The following SRSF4 variants were observed in gnomAD, a reference collection of about 807,000 sequenced individuals.
SRSF4 encodes serine/arginine-rich splicing factor 4.
SRSF4 carries 12 observed loss-of-function variants against 48.8 expected under a neutral mutation model. The observed-to-expected ratio is 0.25, with a 90% confidence interval of 0.16 to 0.40. The LOEUF is 0.40. Among genes scored for constraint, SRSF4 ranks in the 10% least tolerant of loss-of-function variants. SRSF4 has a pLI of 1.00. For missense variants in SRSF4, 466 were observed against 667.1 expected, an observed-to-expected ratio of 0.70 and a Z score of 3.32; for synonymous variants, 248 against 232.5, an observed-to-expected ratio of 1.07 and a Z score of -0.61.
chr1:29,163,877 T>C (rs1214641930), intron 1 of SRSF4, among the ~76,000 whole-genome samples: 1 of 152,224 alleles, frequency 6.6e-6, no homozygotes, highest in Non-Finnish European at 1.5e-5. Context: ...TTGGTTCTGC[T>C]ACAAACTTTG....
intron 1 of SRSF4, among the ~76,000 whole-genome samples, chr1:29,176,274 C>CAAA (rs554961897): frequency 6.6e-6 from 1 of 151,486 alleles, no homozygotes; most frequent in Admixed American, 6.6e-5. Context: ...AAACAAAAAA[C>CAAA]AAAAAAACAA....
chr1:29,172,588 G>T (rs1338648123), intron 1 of SRSF4: 3 of 152,202 alleles, frequency 2.0e-5, no homozygotes, highest in Non-Finnish European at 4.4e-5. Context: ...CACCACGCCT[G>T]GCCAGCAAAC....
intron 1 of SRSF4, among the ~76,000 whole-genome samples, chr1:29,162,224 T>G (rs1012788440): frequency 6.6e-6 from 1 of 152,188 alleles, no homozygotes; most frequent in Non-Finnish European, 1.5e-5. Flanking sequence ...CACGCTTCCA[T>G]AGGCTAGAAT....
intron 3 of SRSF4, 98 bp from the exon 4 acceptor site, chr1:29,155,008 T>C: frequency 9.2e-7 from 1 of 1,092,662 alleles, no homozygotes. Context: ...AATGCCAGCA[T>C]TCCGCAGAAT....
At position 29,154,745 on chromosome 1, in the gene SRSF4, G is replaced by T. The variant is rs766090268; in HGVS notation, c.529C>A (p.Pro177Thr). 8.7e-6 allele frequency: 14 copies of T among 1,614,176 alleles called. No individual in the cohort carries two copies. The highest frequency in any genetic ancestry group is 1.1e-5 in the Non-Finnish European group (13 of 1,180,038). Reference sequence around the variant, plus strand: ...TAGGACCGGCGTCGTCTGGAACCTGGCTTGTCTTCAACTAATCTGATTTTT... The same window carrying T: ...TAGGACCGGCGTCGTCTGGAACCTGTCTTGTCTTCAACTAATCTGATTTTT... ...GRKIRLVEDK[P>T]GSRRRRSYSR... The change falls in exon 4 of 6, where the codon CCA becomes ACA. Residue 177 changes from proline (P) to threonine (T), a missense_variant. By Grantham distance (38) the Pro-to-Thr change is conservative (BLOSUM62 -1). Around this residue, in one of 2 missense-constraint regions of SRSF4, gnomAD observed 402 missense variants for 437.0 expected, o/e 0.92. Transcript: ENST00000373795.
In SRSF4 at chr1:29,148,570, G is replaced by C. The variant is rs138854121; in HGVS notation, c.1325C>G (p.Ser442Cys). 1.5e-5 allele frequency: 24 copies of C among 1,613,974 alleles called. No homozygotes were observed. The highest frequency in any genetic ancestry group is 1.9e-5 in the Non-Finnish European group (22 of 1,180,018). Residue 442 changes from serine to cysteine, a missense_variant, in exon 6 of 6, where the codon TCC (serine) becomes TGC (cysteine). Around this residue, in one of 2 missense-constraint regions of SRSF4, gnomAD observed 402 missense variants for 437.0 expected, o/e 0.92. Transcript: ENST00000373795. ...ENAGTNQETR[S>C]RSRSNSKSKP... ...CGATTTGGAATTGGATCTCGACCTG[G>C]ACCGGGTCTCCTGATTGGTGCCAGC...
rs57242686 is a variant in SRSF4 at position 29,168,191 on chromosome 1, A to ATT, written c.108-7676_108-7675dup. On this transcript the variant is annotated intron_variant, in intron 1 of 5. Transcript: ENST00000373795. ...CACCATGCCCGGCAAATTTTTTGTA[A>ATT]TTTTTTTTTTTTTTTTTTTAGGAGA... Among the ~76,000 whole-genome samples the ATT allele has an allele frequency of 4.6e-3, 615 of 134,944 alleles. 4 individuals are homozygous for ATT. Among genetic ancestry groups the ATT allele is most frequent in the Middle Eastern group, 7.8e-3 (2 of 256 alleles). 88.5% of individuals were successfully genotyped at this position (134,944 alleles called of 152,430 possible).
chr1:29,159,522 G>C, intron 2 of SRSF4, 36 bp from the exon 3 acceptor site: 1 of 1,495,858 alleles, frequency 6.7e-7, no homozygotes, highest in Non-Finnish European at 9.3e-7. Context: ...TTATTTCAGT[G>C]GAAGAAAAGG....
chr1:29,169,144 T>C (rs1672709710), intron 1 of SRSF4: 1 of 152,244 alleles, frequency 6.6e-6, no homozygotes, highest in South Asian at 2.1e-4. Context: ...TTACACACAT[T>C]ATATCCATTT....
rs913373892 is a variant in SRSF4, at chr1:29,181,816, G to A, written c.-64C>T. On this transcript the variant is annotated 5_prime_UTR_variant, in exon 1 of 6. Coordinates refer to ENST00000373795, the MANE Select transcript of SRSF4 (RefSeq NM_005626.5). The stretch of plus-strand genomic sequence containing the variant: ...CCCCTTAGGCGGCGGCGGGCAAAGC[G>A]AGAGCACGGCGGCAGCGGCGGCGGC... The A allele has an allele frequency of 5.0e-6, 7 of 1,390,166 alleles. No individual in the cohort carries two copies. The highest frequency in any genetic ancestry group is 3.0e-5 in the African/African-American group (2 of 66,906). 86.1% of individuals were successfully genotyped at this position (1,390,166 alleles called of 1,614,324 possible).
At position 29,148,447 on chromosome 1, in the gene SRSF4, G is replaced by A; in HGVS notation, c.1448C>T (p.Pro483Leu). The change falls in exon 6 of 6, where the codon CCC (proline) becomes CTC (leucine). Residue 483 changes from proline (P) to leucine (L), a missense_variant. By Grantham distance (98) the Pro-to-Leu change is moderately conservative. Transcript: ENST00000373795. ...KSRSRSASRS[P>L]SRSRSRSHSR... Reference sequence around the variant, plus strand: ...GTGGGACCTAGATCTAGATCGGGAGGGCGATCTGGAAGCAGACCTGGATCT... The same window carrying A: ...GTGGGACCTAGATCTAGATCGGGAGAGCGATCTGGAAGCAGACCTGGATCT... 2 of 1,610,308 alleles carry A rather than the reference G, an allele frequency of 1.2e-6. No individual in the cohort carries two copies. Among genetic ancestry groups the A allele is most frequent in the South Asian group, 2.2e-5 (2 of 90,420 alleles).
Position 29,148,849 on chromosome 1 carries a change from TTGCTGCGGCTCC to T in SRSF4, c.1034_1045del (p.Arg345_Ser348del). 6.2e-7 allele frequency: 1 copy of T among 1,609,944 alleles called. No individual in the cohort carries two copies. Among genetic ancestry groups the T allele is most frequent in the East Asian group, 2.2e-5 (1 of 44,780 alleles). ...CCTGCCCTTCCTCTTGTCCTTGCTC[TTGCTGCGGCTCC>T]TGCTCCGGCTCCTGCTGCCCCCTTT... On this transcript the variant is annotated inframe_deletion, in exon 6 of 6. Transcript: ENST00000373795.
At position 29,148,686 on chromosome 1, in the gene SRSF4, C is replaced by T; in HGVS notation, c.1209G>A (p.Gln403=). 1 of 1,614,134 alleles carries T rather than the reference C, an allele frequency of 6.2e-7. No homozygotes were observed. The highest frequency in any genetic ancestry group is 8.5e-7 in the Non-Finnish European group (1 of 1,180,024). ...KKKKEDTDRS[Q]SRSPSRSVSK... ...ACACGGAGCGGGATGGAGATCTGGA[C>T]TGGGAGCGGTCAGTGTCTTCCTTCT... Residue 403 remains glutamine, a synonymous_variant, in exon 6 of 6, where the codon CAG becomes CAA. Coordinates refer to ENST00000373795, the MANE Select transcript of SRSF4 (RefSeq NM_005626.5).
chr1:29,175,655 A>G (rs2151826467), intron 1 of SRSF4, among the ~76,000 whole-genome samples: 1 of 122,684 alleles, frequency 8.2e-6, no homozygotes, highest in East Asian at 2.4e-4. Context: ...AGATTGCGCC[A>G]CTGCACTCCA....
intron 1 of SRSF4, among the ~76,000 whole-genome samples, chr1:29,173,879 G>A (rs113780706): frequency 5.5e-4 from 84 of 151,856 alleles, no homozygotes; most frequent in African/African-American, 1.9e-3. Context: ...TTATAATAAA[G>A]GGCACTGTTC....
At position 29,173,494 on chromosome 1, in the gene SRSF4, TCTCA is replaced by T. The variant is rs1672783425; in HGVS notation, c.107+8148_107+8151del. The T allele has an allele frequency of 3.2e-5, 4 of 123,264 alleles. No individual in the cohort carries two copies. The Admixed American group carries it at 3.8e-4, about 12-fold the overall frequency. The allele number at this position is 123,264 out of a possible 1,614,324, so 7.6% of individuals were successfully genotyped here. A position where few individuals can be genotyped will look rare whatever the true frequency, so the allele number is the denominator to read the frequency against. On this transcript the variant is annotated intron_variant, in intron 1 of 5. Coordinates refer to ENST00000373795, the MANE Select transcript of SRSF4 (RefSeq NM_005626.5). ...TTTTTTTTTTTTTTTTGAGATGGAG[TCTCA>T]CTCTGTTGCCCAGGCTGGAGTGCAA...
At chr1:29,167,864 T>G (rs919572792) in intron 1 of SRSF4, among the ~76,000 whole-genome samples, 5 of 152,164 alleles carry the variant, frequency 3.3e-5, no homozygotes, top group Non-Finnish European at 7.4e-5. Context: ...GAAGAATGTA[T>G]TATTATTCTT....
chr1:29,175,930 C>T (rs1222123919), intron 1 of SRSF4, among the ~76,000 whole-genome samples: 1 of 151,932 alleles, frequency 6.6e-6, no homozygotes, highest in Non-Finnish European at 1.5e-5. Context: ...AAATGGGATG[C>T]TATTTCTGAG....
Position 29,154,912 on chromosome 1 carries a change from T to TA in SRSF4, c.364-3_364-2insT. The TA allele has an allele frequency of 1.3e-6, 2 of 1,597,180 alleles. No individual in the cohort carries two copies. The highest frequency in any genetic ancestry group is 1.8e-5 in the Admixed American group (1 of 54,826). ...TTCTCCTGCCTGACGCATATAATCC[T>TA]GAAGAAAAAAAAAAGTGTGACTACA... On this transcript the variant is annotated splice_region_variant and splice_polypyrimidine_tract_variant and intron_variant, in intron 3 of 5. Coordinates refer to ENST00000373795, the MANE Select transcript of SRSF4 (RefSeq NM_005626.5).
Sources: allele counts gnomAD v4.1 joint callset (sites outside exome capture counted in the v4.1 genomes callset), GRCh38; gene constraint gnomAD v4.1.1; regional missense constraint gnomAD v4.1.1; transcripts MANE v1.5; gene names NCBI Gene and HGNC (gene_info 2026-07-23, HGNC 2026-07-21).